The following SDK1 variants were observed in gnomAD, a reference collection of about 807,000 sequenced individuals.
SDK1 encodes the protein protein sidekick-1.
In SDK1, 157 loss-of-function variants were observed where a neutral mutation model predicts 245.5. The ratio of observed to expected loss-of-function variants is 0.64; its 90% CI spans 0.56 to 0.73. The LOEUF is 0.73. SDK1 is among the 30% of genes least tolerant of loss of function. The pLI, the probability that SDK1 is intolerant of heterozygous loss-of-function variation, is 0.00. For missense variants in SDK1, 3,583 were observed against 3,002.3 expected, an observed-to-expected ratio of 1.19 and a Z score of -4.52; for synonymous variants, 1,647 against 1,278.5, an observed-to-expected ratio of 1.29 and a Z score of -6.15.
chr7:3,734,424 A>G (rs975012773), intron 4 of SDK1, among the ~76,000 whole-genome samples: 2 of 152,210 alleles, frequency 1.3e-5, no homozygotes, highest in Admixed American at 6.5e-5. Flanking sequence ...TAGGTCCTGA[A>G]ATCCATTTTT....
At chr7:4,227,849 TTGTC>T (rs1039671534) in intron 40 of SDK1, among the ~76,000 whole-genome samples, 19 of 152,206 alleles carry the variant, frequency 1.2e-4, no homozygotes, top group Admixed American at 1.0e-3. Context: ...TATTAGGACA[TTGTC>T]TGGGAACAGA....
At chr7:3,543,260 C>T (rs1451147904) in intron 1 of SDK1, among the ~76,000 whole-genome samples, 3 of 152,210 alleles carry the variant, frequency 2.0e-5, no homozygotes, top group Admixed American at 6.5e-5. Context: ...TAGGATTTGA[C>T]GTTTTGAAAA....
At chr7:3,430,711 G>C (rs756121542) in intron 1 of SDK1, among the ~76,000 whole-genome samples, 7 of 152,118 alleles carry the variant, frequency 4.6e-5, no homozygotes, top group Admixed American at 2.6e-4. Context: ...TTAGGTATCC[G>C]TGGCTTGTTA....
intron 4 of SDK1, among the ~76,000 whole-genome samples, chr7:3,709,546 G>C (rs944017464): frequency 6.6e-6 from 1 of 152,190 alleles, no homozygotes; most frequent in Non-Finnish European, 1.5e-5. Context: ...GCAGCCTGCT[G>C]CTTCTTTCAA....
At chr7:3,683,569 A>G (rs1414125880) in intron 4 of SDK1, among the ~76,000 whole-genome samples, 1 of 152,242 alleles carries the variant, frequency 6.6e-6, no homozygotes, top group African/African-American at 2.4e-5. Flanking sequence ...TACTGAGCTC[A>G]CGTTCCATCC....
rs749287495 is a variant in SDK1, at chr7:3,692,289, C to T, written c.713+50184C>T. 7.2e-5 allele frequency among the ~76,000 whole-genome samples: 11 copies of T among 151,944 alleles called. 1 individual carries two copies. The highest frequency in any genetic ancestry group is 3.8e-4 in the East Asian group (2 of 5,196). ...GAAAAAGTAACCTAAGATATCCCAC[C>T]AGCCCAAAATAACTTGTTACTATTT... On this transcript the variant is annotated intron_variant, in intron 4 of 44. Coordinates refer to ENST00000404826, the MANE Select transcript of SDK1 (RefSeq NM_152744.4).
At chr7:3,329,038 A>T (rs1477845298) in intron 1 of SDK1, among the ~76,000 whole-genome samples, 1 of 152,198 alleles carries the variant, frequency 6.6e-6, no homozygotes, top group Non-Finnish European at 1.5e-5. Flanking sequence ...ATGTTCACCG[A>T]TGCCGTTTAT....
intron 1 of SDK1, among the ~76,000 whole-genome samples, chr7:3,432,067 C>T (rs1779863490): frequency 6.7e-6 from 1 of 149,968 alleles, no homozygotes; most frequent in African/African-American, 2.4e-5. Flanking sequence ...ATAACTCAGT[C>T]AGTCTGTGTG....
At chr7:4,031,458 G>A (rs1285694614) in intron 17 of SDK1, among the ~76,000 whole-genome samples, 3 of 152,006 alleles carry the variant, frequency 2.0e-5, no homozygotes, top group African/African-American at 7.2e-5. Context: ...AGAGGACTAA[G>A]GTTCTATGTA....
intron 1 of SDK1, among the ~76,000 whole-genome samples, chr7:3,494,214 T>C (rs1781952235): frequency 6.6e-6 from 1 of 151,526 alleles, no homozygotes; most frequent in Non-Finnish European, 1.5e-5. Flanking sequence ...TAGGAGCTTT[T>C]ATTTTGAGTC....
chr7:3,404,402 G>A (rs1406860157), intron 1 of SDK1, among the ~76,000 whole-genome samples: 1 of 152,034 alleles, frequency 6.6e-6, no homozygotes, highest in Non-Finnish European at 1.5e-5. Context: ...TTTTTTGTAT[G>A]TTTTATTATT....
At chr7:3,343,979 T>G (rs1195386378) in intron 1 of SDK1, among the ~76,000 whole-genome samples, 1 of 147,888 alleles carries the variant, frequency 6.8e-6, no homozygotes, top group Non-Finnish European at 1.5e-5. Context: ...ACTGTGAAGG[T>G]GTACAGACAC....
intron 40 of SDK1, among the ~76,000 whole-genome samples, chr7:4,226,590 C>A (rs1426267472): frequency 6.6e-6 from 1 of 152,220 alleles, no homozygotes; most frequent in Non-Finnish European, 1.5e-5. Context: ...CCCTCTTATT[C>A]CTGGAGAGGG....
chr7:3,618,966 C>T (rs963000558), intron 1 of SDK1, 114 bp from the exon 2 acceptor site: 1 of 833,578 alleles, frequency 1.2e-6, no homozygotes, highest in South Asian at 2.2e-5. Context: ...GGCCAAACAG[C>T]CATCACTTTC....
chr7:4,109,352 G>A (rs1037622276), intron 22 of SDK1, among the ~76,000 whole-genome samples: 9 of 152,230 alleles, frequency 5.9e-5, no homozygotes, highest in Non-Finnish European at 1.5e-5. Flanking sequence ...CTGCATCCGT[G>A]TCGCCAGTTT....
At chr7:3,452,139 T>C (rs1448041645) in intron 1 of SDK1, among the ~76,000 whole-genome samples, 1 of 152,176 alleles carries the variant, frequency 6.6e-6, no homozygotes, top group East Asian at 1.9e-4. Flanking sequence ...TTATGAGCAT[T>C]TTTGTTTATC....
chr7:3,393,949 TTC>T (rs2128571144), intron 1 of SDK1, among the ~76,000 whole-genome samples: 1 of 152,264 alleles, frequency 6.6e-6, no homozygotes, highest in East Asian at 1.9e-4. Context: ...TATTATAGTG[TTC>T]ATCATTTGGG....
chr7:4,236,700 C>T (rs907502217), intron 41 of SDK1, among the ~76,000 whole-genome samples: 1 of 151,962 alleles, frequency 6.6e-6, no homozygotes, highest in Non-Finnish European at 1.5e-5. Context: ...AGGAAGACCT[C>T]TCTTGGGTGA....
chr7:3,941,979 G>GCT (rs1166662162), intron 5 of SDK1, among the ~76,000 whole-genome samples: 2 of 149,126 alleles, frequency 1.3e-5, no homozygotes, highest in Non-Finnish European at 2.9e-5. Context: ...CGTGATCTTG[G>GCT]CTCACCTCAA....
Sources: gnomAD v4.1 joint callset for allele counts (sites outside exome capture counted in the v4.1 genomes callset) on GRCh38, gnomAD v4.1.1 for gene constraint, MANE v1.5 for transcripts, NCBI Gene and HGNC (gene_info 2026-07-23, HGNC 2026-07-21) for gene names.